The following MTHFD1L variants were observed in gnomAD, a reference collection of about 807,000 sequenced individuals.
MTHFD1L encodes the protein monofunctional C1-tetrahydrofolate synthase, mitochondrial.
A neutral mutation model predicts 119.5 loss-of-function variants in MTHFD1L; 81 were observed. The observed-to-expected ratio is 0.68, with a 90% CI of 0.57 to 0.82. MTHFD1L has a LOEUF of 0.82. Among genes scored for constraint, MTHFD1L ranks in the 40% least tolerant of loss-of-function variants. MTHFD1L has a pLI of 0.00. For missense variants in MTHFD1L, 1,125 were observed against 1,253.4 expected (o/e 0.90, Z 1.55); for synonymous variants, 430 against 475.2 (o/e 0.90, Z 1.24).
At chr6:151,022,543 C>T (rs1784081754) in intron 24 of MTHFD1L, among the ~76,000 whole-genome samples, 1 of 152,184 alleles carries the variant, frequency 6.6e-6, no homozygotes, top group Admixed American at 6.5e-5. Context: ...ATGCACATCT[C>T]TGTTGCCTTT....
intron 26 of MTHFD1L, among the ~76,000 whole-genome samples, chr6:151,085,003 ATG>A (rs1234699202): frequency 0.027 from 3,773 of 138,342 alleles, 196 homozygotes; most frequent in African/African-American, 0.1. Context: ...ATATATATAT[ATG>A]TATATATTTA....
intron 26 of MTHFD1L, among the ~76,000 whole-genome samples, chr6:151,052,316 A>G (rs779138102): frequency 6.6e-6 from 1 of 152,200 alleles, no homozygotes; most frequent in Admixed American, 6.5e-5. Flanking sequence ...CATCCAGTTC[A>G]AAACATTCTT....
chr6:150,894,337 A>G (rs1248382597), intron 7 of MTHFD1L, among the ~76,000 whole-genome samples: 2 of 152,130 alleles, frequency 1.3e-5, no homozygotes, highest in African/African-American at 2.4e-5. Flanking sequence ...TAATGCTTCC[A>G]TTGTGTGGGT....
intron 24 of MTHFD1L, among the ~76,000 whole-genome samples, chr6:151,030,378 T>TGGA (rs1318970264): frequency 1.3e-5 from 2 of 152,216 alleles, no homozygotes; most frequent in African/African-American, 4.8e-5. Flanking sequence ...ACCACTGTTC[T>TGGA]ACTGCCCGGA....
At chr6:150,881,987 A>AAGT (rs1781462479) in intron 4 of MTHFD1L, among the ~76,000 whole-genome samples, 1 of 152,230 alleles carries the variant, frequency 6.6e-6, no homozygotes, top group Admixed American at 6.5e-5. Flanking sequence ...ATGCAAAGAT[A>AAGT]AGTATCTTCT....
At chr6:151,001,420 C>A (rs879283174) in intron 20 of MTHFD1L, among the ~76,000 whole-genome samples, 25 of 152,256 alleles carry the variant, frequency 1.6e-4, no homozygotes, top group Admixed American at 3.9e-4. Context: ...TTTCAAAGTC[C>A]AAGGAGGGTT....
At position 151,015,566 on chromosome 6, in the gene MTHFD1L, C is replaced by T; in HGVS notation, c.2459C>T (p.Ala820Val). Residue 820 changes from alanine to valine, a missense_variant, in exon 24 of 28, where the codon GCT becomes GTT. Ala to Val is a moderately conservative substitution (Grantham distance 64). Coordinates refer to ENST00000367321, the MANE Select transcript of MTHFD1L (RefSeq NM_015440.5). ...TTGGTGTGTGAGCTTGCAAAGCGGGCTGGTGCCTTTGATGCAGTCCCCTGC... is the reference window on the plus strand; with the variant it reads ...TTGGTGTGTGAGCTTGCAAAGCGGGTTGGTGCCTTTGATGCAGTCCCCTGC... ...IDLVCELAKR[A>V]GAFDAVPCYH... is the part of the protein sequence containing the mutation. The T allele has an allele frequency of 6.2e-7, 1 of 1,614,140 alleles. No homozygotes were observed. The highest frequency in any genetic ancestry group is 8.5e-7 in the Non-Finnish European group (1 of 1,180,024).
chr6:150,896,863 C>G (rs1784314636), intron 7 of MTHFD1L, among the ~76,000 whole-genome samples: 1 of 151,980 alleles, frequency 6.6e-6, no homozygotes. Context: ...AACCCCAGCA[C>G]TTTGGGAGGC....
chr6:151,092,472 C>T lies in MTHFD1L; in HGVS notation c.2853C>T (p.Ser951=). The T allele has an allele frequency of 6.2e-7, 1 of 1,612,962 alleles. No homozygotes were observed. Among genetic ancestry groups the T allele is most frequent in the South Asian group, 1.1e-5 (1 of 90,702 alleles). The part of the protein sequence containing the change: ...GFIYPLVGTM[S]TMPGLPTRPC... ...CGCTTGGTTTTCTCCCCCAGATGAG[C>T]ACCATGCCAGGACTGCCCACCCGGC... Residue 951 remains serine, a synonymous_variant, in exon 27 of 28, where the codon AGC becomes AGT. Coordinates refer to ENST00000367321, the MANE Select transcript of MTHFD1L (RefSeq NM_015440.5).
At chr6:150,973,085 A>C (rs1408749721) in intron 20 of MTHFD1L, among the ~76,000 whole-genome samples, 1 of 152,240 alleles carries the variant, frequency 6.6e-6, no homozygotes, top group Non-Finnish European at 1.5e-5. Context: ...CAGATTTCCC[A>C]TGCTAACAGG....
chr6:151,004,114 G>A (rs762802442), intron 20 of MTHFD1L, among the ~76,000 whole-genome samples: 18 of 151,664 alleles, frequency 1.2e-4, no homozygotes, highest in Admixed American at 5.9e-4. Context: ...AGGCTGAGAC[G>A]GGCAGATCAT....
intron 27 of MTHFD1L, among the ~76,000 whole-genome samples, chr6:151,098,711 C>A (rs1795095603): frequency 6.6e-6 from 1 of 152,186 alleles, no homozygotes; most frequent in South Asian, 2.1e-4. Context: ...TATATGGTAT[C>A]TTCCAAGATA....
intron 19 of MTHFD1L, among the ~76,000 whole-genome samples, chr6:150,965,604 T>G (rs1797083473): frequency 6.7e-6 from 1 of 150,234 alleles, no homozygotes; most frequent in Non-Finnish European, 1.5e-5. Context: ...GAGGTTGCAG[T>G]GAGCTGAGAT....
chr6:150,902,733 A>C (rs79100933), intron 7 of MTHFD1L, among the ~76,000 whole-genome samples: 1,921 of 152,242 alleles, frequency 0.013, 21 homozygotes, highest in South Asian at 0.035. Context: ...GGTCGGAATG[A>C]GATTTCCAAG....
chr6:150,979,272 A>G (rs1300956941), intron 20 of MTHFD1L, among the ~76,000 whole-genome samples: 11 of 152,196 alleles, frequency 7.2e-5, no homozygotes, highest in Non-Finnish European at 1.6e-4. Flanking sequence ...TGAGCTGTCT[A>G]CAGCAGATGG....
chr6:150,933,763 CCTT>C (rs1402366922), intron 11 of MTHFD1L, among the ~76,000 whole-genome samples: 1 of 152,010 alleles, frequency 6.6e-6, no homozygotes, highest in Non-Finnish European at 1.5e-5. Context: ...TCATGTTCTG[CCTT>C]CTTCTCCAGG....
At chr6:150,993,443 C>T (rs1779326028) in intron 20 of MTHFD1L, among the ~76,000 whole-genome samples, 1 of 152,008 alleles carries the variant, frequency 6.6e-6, no homozygotes, top group African/African-American at 2.4e-5. Flanking sequence ...GCCTTAGCCT[C>T]TCAAGCTACA....
chr6:150,879,897 G>T (rs1781124204), intron 4 of MTHFD1L, among the ~76,000 whole-genome samples: 1 of 152,112 alleles, frequency 6.6e-6, no homozygotes, highest in Admixed American at 6.6e-5. Context: ...CCAAAGCGCT[G>T]GGATTACAGG....
chr6:150,927,037 AG>A (rs1790115370), intron 11 of MTHFD1L, among the ~76,000 whole-genome samples: 1 of 152,184 alleles, frequency 6.6e-6, no homozygotes, highest in African/African-American at 2.4e-5. Flanking sequence ...ATGTATACAA[AG>A]CTTCAGGCAC....
Sources: gnomAD v4.1 joint callset for allele counts (sites outside exome capture counted in the v4.1 genomes callset) on GRCh38, gnomAD v4.1.1 for gene constraint, MANE v1.5 for transcripts, NCBI Gene and HGNC (gene_info 2026-07-23, HGNC 2026-07-21) for gene names.